The following FGF14 variants were observed in gnomAD, a reference collection of about 807,000 sequenced individuals.
FGF14 encodes the protein fibroblast growth factor 14.
A neutral mutation model predicts 25.5 loss-of-function variants in FGF14; 5 were observed. The ratio of observed to expected loss-of-function variants is 0.20; its 90% CI spans 0.10 to 0.41. FGF14 has a LOEUF of 0.41. FGF14 is among the 10% of genes least tolerant of loss of function. FGF14 has a pLI of 1.00. For missense variants in FGF14, 222 were observed against 320.1 expected (o/e 0.69, Z 2.34); for synonymous variants, 138 against 118.3 (o/e 1.17, Z -1.08).
At chr13:102,367,149 T>C (rs2057738082) in intron 1 of FGF14, 1 of 152,232 alleles carries the variant, frequency 6.6e-6, no homozygotes, top group South Asian at 2.1e-4. Flanking sequence ...TCAAGAATTA[T>C]TTGGGAGCAG....
At chr13:102,175,499 G>T (rs1399304282) in intron 1 of FGF14, among the ~76,000 whole-genome samples, 1 of 151,886 alleles carries the variant, frequency 6.6e-6, no homozygotes, top group Non-Finnish European at 1.5e-5. Context: ...TGAAACCTAG[G>T]AAAAACTCTT....
chr13:101,969,533 G>T (rs574928776), intron 1 of FGF14, among the ~76,000 whole-genome samples: 122 of 152,282 alleles, frequency 8.0e-4, no homozygotes, highest in Non-Finnish European at 1.3e-3. Flanking sequence ...TGAAGGAATA[G>T]GGCTCTAATG....
intron 3 of FGF14, among the ~76,000 whole-genome samples, chr13:101,734,519 T>C (rs986017675): frequency 5.3e-5 from 8 of 152,274 alleles, no homozygotes; most frequent in African/African-American, 1.9e-4. Flanking sequence ...ATGGCACCAG[T>C]GCTATAAATA....
chr13:101,852,782 C>T lies in FGF14; in HGVS notation c.408+15943G>A, dbSNP rs142792481. 7.9e-5 allele frequency among the ~76,000 whole-genome samples: 12 copies of T among 152,104 alleles called. 1 individual carries two copies. The highest frequency in any genetic ancestry group is 1.9e-4 in the East Asian group (1 of 5,162). On this transcript the variant is annotated intron_variant, in intron 3 of 4. Transcript: ENST00000376143. ...TACCAGATACCTATGTTTCCCAACA[C>T]GATATGCAAATAGATGTCTTGCTTA...
chr13:102,118,305 T>C (rs1369139209), intron 1 of FGF14, among the ~76,000 whole-genome samples: 3 of 151,970 alleles, frequency 2.0e-5, no homozygotes, highest in African/African-American at 7.2e-5. Flanking sequence ...TTGTTAATGT[T>C]AAAAAGAGAG....
intron 1 of FGF14, among the ~76,000 whole-genome samples, chr13:102,167,325 A>AAAG: frequency 6.8e-6 from 1 of 146,208 alleles, no homozygotes; most frequent in African/African-American, 2.5e-5. Flanking sequence ...AAAAAAAAAA[A>AAAG]AAAAAAAAAG....
intron 3 of FGF14, among the ~76,000 whole-genome samples, chr13:101,743,150 C>T (rs1176024243): frequency 6.6e-6 from 1 of 152,152 alleles, no homozygotes; most frequent in Non-Finnish European, 1.5e-5. Context: ...TTGCCCCAAC[C>T]TTCTTGGGCA....
chr13:101,969,526 A>C (rs1021245415), intron 1 of FGF14, among the ~76,000 whole-genome samples: 1 of 152,220 alleles, frequency 6.6e-6, no homozygotes, highest in African/African-American at 2.4e-5. Context: ...AATCTGGTGA[A>C]GGAATAGGGC....
At chr13:101,738,863 A>C (rs548200829) in intron 3 of FGF14, among the ~76,000 whole-genome samples, 48 of 149,594 alleles carry the variant, frequency 3.2e-4, no homozygotes, top group Admixed American at 1.1e-3. Flanking sequence ...ATATATACCC[A>C]CACACACACA....
intron 1 of FGF14, among the ~76,000 whole-genome samples, chr13:102,217,730 C>T (rs747804479): frequency 1.3e-5 from 2 of 152,142 alleles, no homozygotes; most frequent in African/African-American, 2.4e-5. Context: ...CACACAACTC[C>T]GCAGGCAGAG....
At chr13:102,103,887 T>C (rs945573773) in intron 1 of FGF14, among the ~76,000 whole-genome samples, 1 of 152,146 alleles carries the variant, frequency 6.6e-6, no homozygotes, top group African/African-American at 2.4e-5. Context: ...CTGGGGACAT[T>C]GGCCATGGTC....
chr13:101,731,644 A>C (rs2035821079), intron 3 of FGF14, among the ~76,000 whole-genome samples: 2 of 152,132 alleles, frequency 1.3e-5, no homozygotes, highest in African/African-American at 4.8e-5. Context: ...GTACAAAGAG[A>C]GACTTCTGGT....
chr13:102,136,079 A>G (rs1387506855), intron 1 of FGF14, among the ~76,000 whole-genome samples: 3 of 152,178 alleles, frequency 2.0e-5, no homozygotes, highest in Non-Finnish European at 4.4e-5. Flanking sequence ...AATATATCAT[A>G]TTGTGACCCA....
chr13:102,155,513 G>A (rs1289363117), intron 1 of FGF14, among the ~76,000 whole-genome samples: 2 of 152,220 alleles, frequency 1.3e-5, no homozygotes, highest in African/African-American at 4.8e-5. Flanking sequence ...ATTCAAAGGA[G>A]TGTGTAGAGG....
chr13:102,384,233 T>C (rs1020614533), intron 1 of FGF14, among the ~76,000 whole-genome samples: 1 of 152,196 alleles, frequency 6.6e-6, no homozygotes, highest in African/African-American at 2.4e-5. Context: ...GAATATTATC[T>C]ATCATGTGTG....
chr13:101,769,504 A>C (rs1203292570), intron 3 of FGF14, among the ~76,000 whole-genome samples: 2 of 152,166 alleles, frequency 1.3e-5, no homozygotes, highest in Non-Finnish European at 2.9e-5. Flanking sequence ...ACCTGCATGC[A>C]AATATCTATG....
At chr13:101,918,590 TC>T, upstream of FGF14, among the ~76,000 whole-genome samples, 1 of 152,206 alleles carries the variant, frequency 6.6e-6, no homozygotes, top group Non-Finnish European at 1.5e-5. Context: ...AGTAGAGTAC[TC>T]GCCACCAGGC....
chr13:101,867,833 C>G (rs2044795637), intron 3 of FGF14, among the ~76,000 whole-genome samples: 1 of 150,930 alleles, frequency 6.6e-6, no homozygotes, highest in African/African-American at 2.4e-5. Flanking sequence ...CCCAAATTGA[C>G]TGAAGAAAAT....
intron 3 of FGF14, among the ~76,000 whole-genome samples, chr13:101,825,026 G>A (rs889203990): frequency 6.6e-6 from 1 of 152,150 alleles, no homozygotes; most frequent in African/African-American, 2.4e-5. Context: ...CCTTTCATAT[G>A]TCCTTTGTAA....
Sources: allele counts gnomAD v4.1 joint callset (sites outside exome capture counted in the v4.1 genomes callset), GRCh38; gene constraint gnomAD v4.1.1; transcripts MANE v1.5; gene names NCBI Gene and HGNC (gene_info 2026-07-23, HGNC 2026-07-21).